TMEM120A: variants seen among roughly 807,000 people sequenced by gnomAD.
TMEM120A encodes the protein transmembrane protein 120A, also known as ion channel TACAN.
TMEM120A carries 45 observed loss-of-function variants against 54.3 expected under a neutral mutation model. The ratio of observed to expected loss-of-function variants is 0.83; its 90% confidence interval spans 0.65 to 1.06. The LOEUF is 1.06. Among genes scored for constraint, TMEM120A ranks in the 50% least tolerant of loss-of-function variants. The pLI is 0.00. For synonymous variants in TMEM120A, 204 were observed against 178.5 expected, an observed-to-expected ratio of 1.14 and a Z score of -1.14; for missense variants, 424 against 441.7, an observed-to-expected ratio of 0.96 and a Z score of 0.36.
chr7:75,994,550 G>A lies in TMEM120A; in HGVS notation c.21C>T (p.Gly7=), dbSNP rs962523968. Residue 7 remains glycine (G), a synonymous_variant, in exon 1 of 12, where the codon GGC becomes GGT. Transcript: ENST00000493111. MQPPPP[G]PLGDCLRDWE... ...AGTCCCGCAGGCAGTCGCCCAGCGG[G>A]CCCGGGGGCGGGGGCTGCATGGCTG... 75 of 1,554,522 alleles carry A rather than the reference G, an allele frequency of 4.8e-5. No homozygotes were observed. Among genetic ancestry groups the A allele is most frequent in the Non-Finnish European group, 6.1e-5 (70 of 1,150,658 alleles).
intron 3 of TMEM120A, among the ~76,000 whole-genome samples, chr7:75,991,836 C>T (rs912650779): frequency 5.9e-5 from 9 of 152,266 alleles, no homozygotes; most frequent in South Asian, 2.1e-4. Flanking sequence ...AGAGCCACCA[C>T]GCCCGGCCCA....
At position 75,992,016 on chromosome 7, in the gene TMEM120A, C is replaced by T. The variant is rs1001721711; in HGVS notation, c.317+128G>A. On this transcript the variant is annotated intron_variant, in intron 3 of 11. Transcript: ENST00000493111. ...CCAGGTGTCTCCCCTGAAGTCAGCACTGTGCCTCATTGCTCAGCCTGTACT... is the reference window on the plus strand; with the variant it reads ...CCAGGTGTCTCCCCTGAAGTCAGCATTGTGCCTCATTGCTCAGCCTGTACT... The T allele has an allele frequency of 6.4e-5, 41 of 643,252 alleles. No individual in the cohort carries two copies. In the Admixed American group the frequency reaches 1.1e-3, roughly 18 times the overall value. 39.8% of individuals were successfully genotyped at this position (643,252 alleles called of 1,614,324 possible).
rs1271247782 is a variant in TMEM120A, at chr7:75,994,579, C to T, written c.-9G>A. 2 of 1,533,136 alleles carry T rather than the reference C, an allele frequency of 1.3e-6. No homozygotes were observed. The highest frequency in any genetic ancestry group is 1.8e-6 in the Non-Finnish European group (2 of 1,139,334). 95.0% of individuals were successfully genotyped at this position (1,533,136 alleles called of 1,614,324 possible). On this transcript the variant is annotated 5_prime_UTR_variant, in exon 1 of 12. Transcript: ENST00000493111. ...GGGGGCGGGGGCTGCATGGCTGCAG[C>T]GCCAGTAGCCAGTAGTGGAGGACGG... is the stretch of plus-strand genomic sequence containing the variant.
At position 75,988,501 on chromosome 7, in the gene TMEM120A, G is replaced by T. The variant is rs140919124; in HGVS notation, c.393C>A (p.Asp131Glu). 10 of 1,606,932 alleles carry T rather than the reference G, an allele frequency of 6.2e-6. No homozygotes were observed. The South Asian group carries it at 9.9e-5, about 16-fold the overall frequency. The part of the protein sequence containing the change: ...LSKQAKFAYK[D>E]EYEKFKLYLT... ...GGTAGAGCTTGAACTTCTCATACTC[G>T]TCCTTGTAGGCAAACCTGGGGGGCG... Residue 131 changes from aspartate to glutamate, a missense_variant, in exon 5 of 12, where the codon GAC becomes GAA. Coordinates refer to ENST00000493111, the MANE Select transcript of TMEM120A (RefSeq NM_031925.3).
Position 75,987,186 on chromosome 7 carries a change from T to A in TMEM120A, c.1018A>T (p.Ser340Cys). Residue 340 changes from serine to cysteine, a missense_variant, in exon 12 of 12, where the codon AGC becomes TGC. Ser to Cys is a moderately radical substitution (Grantham distance 112, BLOSUM62 -1). Coordinates refer to ENST00000493111, the MANE Select transcript of TMEM120A (RefSeq NM_031925.3). ...HHKFHSQRHG[S>C]KKD ...AAGGCCCAGCCTCAATCCTTCTTGC[T>A]CCCGTGCCGCTGACTGTGAAACTTG... 6.2e-7 allele frequency: 1 copy of A among 1,602,362 alleles called. No individual in the cohort carries two copies. The highest frequency in any genetic ancestry group is 1.3e-5 in the African/African-American group (1 of 74,816).
In TMEM120A at chr7:75,988,592, G is replaced by A. The variant is rs1281263490; in HGVS notation, c.378-76C>T. The A allele has an allele frequency of 3.2e-5, 31 of 966,646 alleles. No individual in the cohort carries two copies. The South Asian group carries it at 3.4e-4, about 11-fold the overall frequency. The allele number at this position is 966,646 out of a possible 1,614,324, so 59.9% of individuals were successfully genotyped here. A position where few individuals can be genotyped will look rare whatever the true frequency, so the allele number is the denominator to read the frequency against. On this transcript the variant is annotated intron_variant, in intron 4 of 11. Transcript: ENST00000493111. Reference sequence around the variant, plus strand: ...GTGCCCCCACCCCGGGAGGGCAGCTGAGCCAAGGGTAGTCGGATGGAGGAG... The same window carrying A: ...GTGCCCCCACCCCGGGAGGGCAGCTAAGCCAAGGGTAGTCGGATGGAGGAG...
Position 75,992,416 on chromosome 7 carries a change from C to T in TMEM120A, c.200+23G>A, listed in dbSNP as rs371703335. ...CTCCCACCCCACACTCTGCCCATGG[C>T]GGGTGGGGTAGGGGATCCTAACTTC... is the stretch of plus-strand genomic sequence containing the variant. On this transcript the variant is annotated intron_variant, in intron 2 of 11. Coordinates refer to ENST00000493111, the MANE Select transcript of TMEM120A (RefSeq NM_031925.3). 2.4e-5 allele frequency: 38 copies of T among 1,579,468 alleles called. No homozygotes were observed. In the Admixed American group the frequency reaches 2.9e-4, roughly 12 times the overall value.
chr7:75,992,437 ACTT>A lies in TMEM120A; in HGVS notation c.199_200+1del. The A allele has an allele frequency of 6.3e-7, 1 of 1,590,324 alleles. No homozygotes were observed. The highest frequency in any genetic ancestry group is 1.3e-5 in the African/African-American group (1 of 74,540). On this transcript the variant is annotated splice_donor_variant and coding_sequence_variant, in exon 2 of 12. Coordinates refer to ENST00000493111, the MANE Select transcript of TMEM120A (RefSeq NM_031925.3). LOFTEE classifies it high-confidence loss of function. ...ATGGCGGGTGGGGTAGGGGATCCTA[ACTT>A]CTTCAGGGCGAGGGCCAGCTCCTGG... is the stretch of plus-strand genomic sequence containing the variant.
Position 75,987,606 on chromosome 7 carries a change from C to T in TMEM120A, c.785-4G>A, listed in dbSNP as rs782385404. On this transcript the variant is annotated splice_polypyrimidine_tract_variant and splice_region_variant and intron_variant, in intron 9 of 11. Transcript: ENST00000493111. ...CACATCCAGGACTGGAAGCCCTCTG[C>T]GGGGAGGAAGGTCAGGGCACAGGAC... 2.5e-5 allele frequency: 40 copies of T among 1,607,766 alleles called. No homozygotes were observed. The highest frequency in any genetic ancestry group is 5.5e-5 in the South Asian group (5 of 90,200).
chr7:75,989,110 A>ACG (rs1789726060), intron 4 of TMEM120A, 55 bp downstream of exon 4: 2 of 328,598 alleles, frequency 6.1e-6, no homozygotes, highest in Admixed American at 4.5e-5. Context: ...GGAGGGGGGT[A>ACG]GGGGGCTAGG....
In TMEM120A at chr7:75,987,277, C is replaced by T. The variant is rs782355691; in HGVS notation, c.927G>A (p.Met309Ile). ...DPQCKEWQVL[M>I]CGFPFLLLFL... ...AAAGGAGGAGGAAGGGAAAGCCGCA[C>T]ATAAGCACCTGCCGGAGGAATAGGG... The change falls in exon 12 of 12, where the codon ATG (methionine) becomes ATA (isoleucine). Residue 309 changes from methionine (M) to isoleucine (I), a missense_variant. Transcript: ENST00000493111. The T allele has an allele frequency of 1.2e-5, 19 of 1,600,426 alleles. No homozygotes were observed. The highest frequency in any genetic ancestry group is 4.0e-5 in the African/African-American group (3 of 74,674).
Position 75,992,139 on chromosome 7 carries a change from C to G in TMEM120A, c.317+5G>C, listed in dbSNP as rs782163947. Reference sequence around the variant, plus strand: ...TGAGCTGGGGGTGGCGGTGGGGGCCCTCACCCATTCTTCTTAGGCAAATAG... The same window carrying G: ...TGAGCTGGGGGTGGCGGTGGGGGCCGTCACCCATTCTTCTTAGGCAAATAG... On this transcript the variant is annotated splice_donor_5th_base_variant and intron_variant, in intron 3 of 11. Transcript: ENST00000493111. The G allele has an allele frequency of 8.2e-6, 13 of 1,587,172 alleles. No homozygotes were observed. The highest frequency in any genetic ancestry group is 1.1e-5 in the Non-Finnish European group (13 of 1,164,544).
intron 4 of TMEM120A, 125 bp downstream of exon 4, chr7:75,989,040 G>T (rs1178262326): frequency 3.0e-6 from 1 of 329,428 alleles, no homozygotes; most frequent in Non-Finnish European, 5.7e-6. Flanking sequence ...CGGGTTGGGG[G>T]GTGGAGGGGA....
intron 8 of TMEM120A, 28 bp downstream of exon 8, chr7:75,987,895 G>T: frequency 1.3e-6 from 2 of 1,599,558 alleles, no homozygotes. Flanking sequence ...TGCCTCCAGG[G>T]CTCAGCACAG....
At chr7:75,993,385 C>T (rs1261905156) in intron 1 of TMEM120A, among the ~76,000 whole-genome samples, 2 of 152,252 alleles carry the variant, frequency 1.3e-5, no homozygotes, top group African/African-American at 4.8e-5. Context: ...CACTCCCTTC[C>T]CCTAGCACCT....
chr7:75,989,621 C>T (rs1789757170), intron 3 of TMEM120A, among the ~76,000 whole-genome samples: 1 of 151,836 alleles, frequency 6.6e-6, no homozygotes, highest in Non-Finnish European at 1.5e-5. Context: ...CCAGAACCTG[C>T]AGTACTAGGT....
intron 4 of TMEM120A, among the ~76,000 whole-genome samples, chr7:75,988,807 G>T (rs1267014296): frequency 8.8e-3 from 1 of 114 alleles, no homozygotes; most frequent in Admixed American, 0.05. Context: ...CGGGTGGGGG[G>T]GTGGAGGGGA....
chr7:75,993,541 G>C (rs1293973395), intron 1 of TMEM120A, among the ~76,000 whole-genome samples: 1 of 152,256 alleles, frequency 6.6e-6, no homozygotes, highest in Non-Finnish European at 1.5e-5. Flanking sequence ...GACTGGGTCT[G>C]CTCAGTCTCT....
chr7:75,992,422 G>A lies in TMEM120A; in HGVS notation c.200+17C>T, dbSNP rs892910126. 3 of 1,585,556 alleles carry A rather than the reference G, an allele frequency of 1.9e-6. No individual in the cohort carries two copies. The highest frequency in any genetic ancestry group is 1.8e-4 in the Middle Eastern group (1 of 5,428). On this transcript the variant is annotated intron_variant, in intron 2 of 11. Transcript: ENST00000493111. Reference sequence around the variant, plus strand: ...CCCCACACTCTGCCCATGGCGGGTGGGGTAGGGGATCCTAACTTCTTCAGG... The same window carrying A: ...CCCCACACTCTGCCCATGGCGGGTGAGGTAGGGGATCCTAACTTCTTCAGG...
Sources: allele counts gnomAD v4.1 joint callset (sites outside exome capture counted in the v4.1 genomes callset), GRCh38; gene constraint gnomAD v4.1.1; transcripts MANE v1.5; gene names NCBI Gene and HGNC (gene_info 2026-07-23, HGNC 2026-07-21).